The following HEATR9 variants were observed in gnomAD, a reference collection of about 807,000 sequenced individuals.
The protein encoded by HEATR9 is protein HEATR9.
HEATR9 carries 54 observed loss-of-function variants against 68.2 expected under a neutral mutation model. The observed-to-expected ratio is 0.79, with a 90% CI of 0.64 to 0.99. The LOEUF is 0.99. Ranked by LOEUF, HEATR9 falls within the 50% of genes least tolerant of loss-of-function variation. HEATR9 has a pLI of 0.00. For missense variants in HEATR9, 662 were observed against 679.7 expected, an observed-to-expected ratio of 0.97 and a Z score of 0.29; for synonymous variants, 241 against 253.5, an observed-to-expected ratio of 0.95 and a Z score of 0.47.
rs752814183 is a variant in HEATR9, at chr17:35,855,027, AG to A, written c.*35del. 19 of 1,537,140 alleles carry A rather than the reference AG, an allele frequency of 1.2e-5. No homozygotes were observed. Among genetic ancestry groups the A allele is most frequent in the Non-Finnish European group, 1.6e-5 (18 of 1,121,382 alleles). On this transcript the variant is annotated 3_prime_UTR_variant, in exon 15 of 15. Coordinates refer to ENST00000604834, the MANE Select transcript of HEATR9 (RefSeq NM_152781.4). Reference sequence around the variant, plus strand: ...TCATGGGAGCCTGAGAAGCATCTTCAGGGAGGGAGTCGGGGAGTAGGCCCAA... The same window carrying A: ...TCATGGGAGCCTGAGAAGCATCTTCAGGAGGGAGTCGGGGAGTAGGCCCAA...
Position 35,863,491 on chromosome 17 carries a change from G to T in HEATR9, c.625+11C>A. On this transcript the variant is annotated intron_variant, in intron 7 of 14. Coordinates refer to ENST00000604834, the MANE Select transcript of HEATR9 (RefSeq NM_152781.4). Reference sequence around the variant, plus strand: ...TTCTCAACTCCCCACCAAGGGAGAAGACATACTCACCCAGGATGGCCAGGG... The same window carrying T: ...TTCTCAACTCCCCACCAAGGGAGAATACATACTCACCCAGGATGGCCAGGG... The T allele has an allele frequency of 6.2e-7, 1 of 1,613,790 alleles. No homozygotes were observed. The highest frequency in any genetic ancestry group is 8.5e-7 in the Non-Finnish European group (1 of 1,179,654).
intron 11 of HEATR9, among the ~76,000 whole-genome samples, chr17:35,857,943 A>ACT (rs1352608460): frequency 1.3e-5 from 2 of 151,976 alleles, no homozygotes; most frequent in Non-Finnish European, 2.9e-5. Context: ...AGAAGGGGAG[A>ACT]CGGATTACTT....
At position 35,864,910 on chromosome 17, in the gene HEATR9, G is replaced by A. The variant is rs1185941683; in HGVS notation, c.321-20C>T. 6.2e-7 allele frequency: 1 copy of A among 1,614,180 alleles called. No homozygotes were observed. The highest frequency in any genetic ancestry group is 1.1e-5 in the South Asian group (1 of 91,084). On this transcript the variant is annotated intron_variant, in intron 3 of 14. Coordinates refer to ENST00000604834, the MANE Select transcript of HEATR9 (RefSeq NM_152781.4). ...ATGTACCTGTGTGAGAAATTGCATA[G>A]GCAGCTTTGGTCCCTTTGTACCTTC...
At chr17:35,855,640 A>G in intron 14 of HEATR9, 24 bp downstream of exon 14, 1 of 1,603,318 alleles carries the variant, frequency 6.2e-7, no homozygotes, top group Non-Finnish European at 8.5e-7. Context: ...AAGAGGAAGA[A>G]GTGGGCAGGA....
At position 35,855,416 on chromosome 17, in the gene HEATR9, T is replaced by C. The variant is rs780830840; in HGVS notation, c.1366-6A>G. 4 of 1,609,572 alleles carry C rather than the reference T, an allele frequency of 2.5e-6. No homozygotes were observed. Among genetic ancestry groups the C allele is most frequent in the Non-Finnish European group, 3.4e-6 (4 of 1,176,632 alleles). ...AGGATTAATGTTTCTTGTAGCTGCA[T>C]TGAAACAAAGGTCCTAGTGCTGGCT... On this transcript the variant is annotated splice_region_variant and splice_polypyrimidine_tract_variant and intron_variant, in intron 14 of 14. Transcript: ENST00000604834.
At chr17:35,856,605 G>A in intron 12 of HEATR9, 127 bp downstream of exon 12, 1 of 839,856 alleles carries the variant, frequency 1.2e-6, no homozygotes. Context: ...GAGAACTGAG[G>A]ACCTGCTGCA....
Position 35,856,691 on chromosome 17 carries a change from A to G in HEATR9, c.1226+41T>C, listed in dbSNP as rs369042638. 7.8e-6 allele frequency: 12 copies of G among 1,547,614 alleles called. No individual in the cohort carries two copies. In the African/African-American group the frequency reaches 1.6e-4, roughly 21 times the overall value. The stretch of plus-strand genomic sequence containing the variant: ...CTCACTGACCCTCTGCCCCCTTCCC[A>G]CAGCCTAGGATTTGGCCCTGGCAGC... On this transcript the variant is annotated intron_variant, in intron 12 of 14. Transcript: ENST00000604834.
chr17:35,857,549 G>A (rs1045479861), intron 11 of HEATR9, among the ~76,000 whole-genome samples: 1 of 152,192 alleles, frequency 6.6e-6, no homozygotes, highest in African/African-American at 2.4e-5. Context: ...CACGAGGTCA[G>A]GAGATCGAGC....
At chr17:35,863,693 A>C in intron 6 of HEATR9, 134 bp from the exon 7 acceptor site, 1 of 883,672 alleles carries the variant, frequency 1.1e-6, no homozygotes, top group Non-Finnish European at 1.8e-6. Context: ...TCTATTCTCA[A>C]ATACAGAATA....
At chr17:35,861,644 G>C in intron 8 of HEATR9, 2 of 589,974 alleles carry the variant, frequency 3.4e-6, no homozygotes, top group Non-Finnish European at 6.0e-6. Context: ...CCTTCTGCCT[G>C]GAATGTCTTC....
intron 5 of HEATR9, 61 bp from the exon 6 acceptor site, chr17:35,864,363 A>G: frequency 6.5e-7 from 1 of 1,532,882 alleles, no homozygotes; most frequent in Non-Finnish European, 9.0e-7. Context: ...AGGAGTTACC[A>G]TTCTCTGGAT....
At chr17:35,865,449 G>A in intron 2 of HEATR9, 53 bp from the exon 3 acceptor site, 1 of 1,435,736 alleles carries the variant, frequency 7.0e-7, no homozygotes. Flanking sequence ...GCCCTTACTT[G>A]TGAGGGTATG....
chr17:35,855,493 G>C, intron 14 of HEATR9, 83 bp from the exon 15 acceptor site: 1 of 1,389,288 alleles, frequency 7.2e-7, no homozygotes, highest in Non-Finnish European at 1.0e-6. Context: ...CAAAGTAGGG[G>C]GGAATTCTAG....
In HEATR9 at chr17:35,858,418, C is replaced by T; in HGVS notation, c.1032+15G>A. 6.2e-7 allele frequency: 1 copy of T among 1,614,020 alleles called. No homozygotes were observed. Among genetic ancestry groups the T allele is most frequent in the African/African-American group, 1.3e-5 (1 of 75,026 alleles). On this transcript the variant is annotated intron_variant, in intron 10 of 14. Coordinates refer to ENST00000604834, the MANE Select transcript of HEATR9 (RefSeq NM_152781.4). Reference sequence around the variant, plus strand: ...AGTGCCGGGAAAGGAAGGGTTCAGGCAGTCCAGAGCTTACCTCAAGGACAC... The same window carrying T: ...AGTGCCGGGAAAGGAAGGGTTCAGGTAGTCCAGAGCTTACCTCAAGGACAC...
At chr17:35,862,952 T>C in intron 8 of HEATR9, 43 bp downstream of exon 8, 4 of 1,613,968 alleles carry the variant, frequency 2.5e-6, no homozygotes, top group Non-Finnish European at 3.4e-6. Context: ...ATCAATTACC[T>C]TGTCCAGCTT....
chr17:35,857,454 T>C (rs937938781), intron 11 of HEATR9, among the ~76,000 whole-genome samples: 1 of 152,124 alleles, frequency 6.6e-6, no homozygotes, highest in African/African-American at 2.4e-5. Flanking sequence ...TTTTTAAAAA[T>C]GTCTTTAGAA....
At chr17:35,861,254 C>T (rs1001053830) in intron 8 of HEATR9, 1 of 1,513,114 alleles carries the variant, frequency 6.6e-7, no homozygotes, top group Non-Finnish European at 9.1e-7. Context: ...ATAAATTTAG[C>T]TTGACGTTTC....
intron 2 of HEATR9, 40 bp from the exon 3 acceptor site, chr17:35,865,436 T>TA: frequency 6.4e-7 from 1 of 1,563,308 alleles, no homozygotes; most frequent in Non-Finnish European, 8.8e-7. Flanking sequence ...AGGGGTCCCC[T>TA]AGGCCCTTAC....
intron 12 of HEATR9, among the ~76,000 whole-genome samples, 186 bp downstream of exon 12, chr17:35,856,546 A>G (rs927440188): frequency 3.3e-5 from 5 of 152,194 alleles, no homozygotes; most frequent in Admixed American, 6.5e-5. Flanking sequence ...TTACAGATGA[A>G]CAAAAGCTCA....
Sources: gnomAD v4.1 joint callset for allele counts (sites outside exome capture counted in the v4.1 genomes callset) on GRCh38, gnomAD v4.1.1 for gene constraint, MANE v1.5 for transcripts, NCBI Gene and HGNC (gene_info 2026-07-23, HGNC 2026-07-21) for gene names.